The following KCNH7 variants were observed in gnomAD, a reference collection of about 807,000 sequenced individuals.
KCNH7 encodes the protein potassium voltage-gated channel subfamily H member 7.
A neutral mutation model predicts 120.8 loss-of-function variants in KCNH7; 49 were observed. The observed-to-expected ratio is 0.41, with a 90% CI of 0.32 to 0.51. The LOEUF is 0.51. Ranked by LOEUF, KCNH7 falls within the 20% of genes least tolerant of loss-of-function variation. The pLI, the probability that KCNH7 is intolerant of heterozygous loss-of-function variation, is 0.38. For synonymous variants in KCNH7, 547 were observed against 516.1 expected, an observed-to-expected ratio of 1.06 and a Z score of -0.81; for missense variants, 1,097 against 1,446.6, an observed-to-expected ratio of 0.76 and a Z score of 3.92.
chr2:162,599,135 G>A (rs1694470254), intron 2 of KCNH7, among the ~76,000 whole-genome samples: 1 of 151,938 alleles, frequency 6.6e-6, no homozygotes, highest in South Asian at 2.1e-4. Flanking sequence ...AACCCAGGAA[G>A]TGGAGGTTGC....
intron 7 of KCNH7, among the ~76,000 whole-genome samples, chr2:162,437,174 T>C (rs1688268825): frequency 6.6e-6 from 1 of 152,140 alleles, no homozygotes. Flanking sequence ...CCTTGTGCCA[T>C]AGCAATCACA....
intron 7 of KCNH7, among the ~76,000 whole-genome samples, chr2:162,442,380 A>C (rs929272693): frequency 6.6e-6 from 1 of 152,070 alleles, no homozygotes; most frequent in Non-Finnish European, 1.5e-5. Flanking sequence ...CTTAGCATTT[A>C]TTAACACCTG....
intron 2 of KCNH7, among the ~76,000 whole-genome samples, chr2:162,569,181 C>A (rs1693373292): frequency 1.3e-5 from 2 of 151,774 alleles, no homozygotes; most frequent in African/African-American, 4.8e-5. Context: ...GGTTGGTAAG[C>A]TATTGATTAT....
At chr2:162,828,946 G>T (rs1180124307) in intron 2 of KCNH7, among the ~76,000 whole-genome samples, 3 of 152,092 alleles carry the variant, frequency 2.0e-5, no homozygotes, top group African/African-American at 7.2e-5. Flanking sequence ...TTGCACACAA[G>T]CAGGCCTACT....
intron 2 of KCNH7, among the ~76,000 whole-genome samples, chr2:162,579,679 T>A (rs1360348638): frequency 6.6e-6 from 1 of 151,942 alleles, no homozygotes; most frequent in Non-Finnish European, 1.5e-5. Context: ...TTGAACAGGG[T>A]GGGCACTTCT....
chr2:162,835,826 G>A (rs1490025736), intron 2 of KCNH7, among the ~76,000 whole-genome samples: 1 of 151,794 alleles, frequency 6.6e-6, no homozygotes, highest in Non-Finnish European at 1.5e-5. Context: ...TTGACAGGAG[G>A]TGTTGCCCTC....
chr2:162,503,542 C>T (rs1201873761), intron 6 of KCNH7, among the ~76,000 whole-genome samples: 1 of 151,984 alleles, frequency 6.6e-6, no homozygotes, highest in Non-Finnish European at 1.5e-5. Flanking sequence ...CTTTTCATAG[C>T]TATTTCAGCT....
chr2:162,589,234 G>T (rs749677878), intron 2 of KCNH7, among the ~76,000 whole-genome samples: 38 of 152,014 alleles, frequency 2.5e-4, no homozygotes, highest in Non-Finnish European at 3.8e-4. Context: ...CGTGTGAATC[G>T]GGAGAGCGCT....
At chr2:162,462,411 A>G (rs546670842) in intron 6 of KCNH7, among the ~76,000 whole-genome samples, 6 of 152,112 alleles carry the variant, frequency 3.9e-5, no homozygotes, top group African/African-American at 1.2e-4. Flanking sequence ...TCAGTCATCT[A>G]TCACCTACAA....
intron 2 of KCNH7, among the ~76,000 whole-genome samples, chr2:162,571,040 G>A (rs894177861): frequency 6.6e-6 from 1 of 151,896 alleles, no homozygotes; most frequent in African/African-American, 2.4e-5. Flanking sequence ...TGGAAGTTCT[G>A]GCCAGGGCAA....
At chr2:162,512,549 A>C in intron 5 of KCNH7, 105 bp downstream of exon 5, 1 of 925,060 alleles carries the variant, frequency 1.1e-6, no homozygotes, top group East Asian at 2.5e-5. Context: ...AGCTAAGGGC[A>C]GCATGAAGAT....
chr2:162,738,862 T>C (rs1025658703), intron 2 of KCNH7, among the ~76,000 whole-genome samples: 2 of 152,212 alleles, frequency 1.3e-5, no homozygotes, highest in Non-Finnish European at 2.9e-5. Context: ...CCTCCACCCA[T>C]ATCCATGCTA....
At chr2:162,699,707 G>C (rs1175474288) in intron 2 of KCNH7, among the ~76,000 whole-genome samples, 1 of 152,084 alleles carries the variant, frequency 6.6e-6, no homozygotes, top group Non-Finnish European at 1.5e-5. Context: ...CTGACAAATG[G>C]ATCATCAATA....
In KCNH7 at chr2:162,516,665, C is replaced by T. The variant is rs183027901; in HGVS notation, c.892+1065G>A. Among the ~76,000 whole-genome samples, 55 of 151,828 alleles carry T rather than the reference C, an allele frequency of 3.6e-4. 1 individual carries two copies. Among genetic ancestry groups the T allele is most frequent in the African/African-American group, 1.1e-3 (45 of 41,486 alleles). ...ACCAAATCTATGGGAATCTGGAAAG[C>T]GGGTCTGATGTACCCATGCCAGGAA... On this transcript the variant is annotated intron_variant, in intron 4 of 15. Transcript: ENST00000332142.
chr2:162,744,873 G>A (rs913005881), intron 2 of KCNH7, among the ~76,000 whole-genome samples: 3 of 151,990 alleles, frequency 2.0e-5, no homozygotes, highest in Non-Finnish European at 2.9e-5. Flanking sequence ...GCGCCCGGCC[G>A]ACAGAACTTT....
chr2:162,435,691 T>C, intron 7 of KCNH7, 94 bp from the exon 8 acceptor site: 1 of 1,242,062 alleles, frequency 8.1e-7, no homozygotes, highest in South Asian at 1.6e-5. Flanking sequence ...GTTAAGACAA[T>C]AGGGTAGCAT....
chr2:162,807,933 C>T (rs553699893), intron 2 of KCNH7, among the ~76,000 whole-genome samples: 5 of 152,264 alleles, frequency 3.3e-5, no homozygotes, highest in South Asian at 2.1e-4. Context: ...CCACCCACCT[C>T]GGCCTCCCAA....
At chr2:162,586,374 G>A (rs1439152448) in intron 2 of KCNH7, among the ~76,000 whole-genome samples, 2 of 152,018 alleles carry the variant, frequency 1.3e-5, no homozygotes, top group African/African-American at 2.4e-5. Flanking sequence ...AATGAACCAC[G>A]TGGGGAGAAA....
chr2:162,401,403 G>A (rs559012133), intron 9 of KCNH7, among the ~76,000 whole-genome samples: 2 of 151,908 alleles, frequency 1.3e-5, no homozygotes, highest in East Asian at 3.9e-4. Context: ...GTGGAGGAAT[G>A]GGGCATTATA....
Sources: allele counts gnomAD v4.1 joint callset (sites outside exome capture counted in the v4.1 genomes callset), GRCh38; gene constraint gnomAD v4.1.1; transcripts MANE v1.5; gene names NCBI Gene and HGNC (gene_info 2026-07-23, HGNC 2026-07-21).